The following SNAP47 variants were observed in gnomAD, a reference collection of about 807,000 sequenced individuals.
SNAP47 encodes the protein synaptosomal-associated protein 47.
In SNAP47, 20 loss-of-function variants were observed where a neutral mutation model predicts 31.4. The ratio of observed to expected loss-of-function variants is 0.64; its 90% CI spans 0.45 to 0.93. The LOEUF (loss-of-function observed/expected upper bound fraction) is 0.93, where lower values mean the gene tolerates loss of function less well. Among genes scored for constraint, SNAP47 ranks in the 40% least tolerant of loss-of-function variants. SNAP47 has a pLI of 0.00. For missense variants in SNAP47, 492 were observed against 528.5 expected (o/e 0.93, Z 0.68); for synonymous variants, 194 against 213.4 (o/e 0.91, Z 0.79).
chr1:227,749,412 G>C (rs1273380634), intron 2 of SNAP47, among the ~76,000 whole-genome samples: 1 of 152,116 alleles, frequency 6.6e-6, no homozygotes, highest in African/African-American at 2.4e-5. Flanking sequence ...CACTTGGGTG[G>C]GTCCATCTGG....
intron 2 of SNAP47, among the ~76,000 whole-genome samples, chr1:227,750,248 A>AG (rs753297351): frequency 7.3e-4 from 111 of 151,908 alleles, no homozygotes; most frequent in Non-Finnish European, 1.3e-3. Flanking sequence ...CAGAGTCTGC[A>AG]GGGGGCCAGC....
chr1:227,734,122 T>C, upstream of SNAP47: 3 of 1,437,978 alleles, frequency 2.1e-6, no homozygotes, highest in Non-Finnish European at 2.8e-6. Context: ...ACCAATCGGC[T>C]CCAGTGGAGC....
chr1:227,768,790 C>A (rs566384971), intron 4 of SNAP47, among the ~76,000 whole-genome samples: 2 of 152,286 alleles, frequency 1.3e-5, no homozygotes, highest in African/African-American at 4.8e-5. Context: ...GATAGACTTA[C>A]CTGATTCTTT....
At position 227,762,591 on chromosome 1, in the gene SNAP47, G is replaced by C. The variant is rs373212910; in HGVS notation, c.988+3106G>C. ...GCCTCTGGGACGAGCGCTGGTGCAC[G>C]TGTGGCCACAGGGTGGCAGCCTCGC... On this transcript the variant is annotated intron_variant, in intron 3 of 4. Transcript: ENST00000617596. The surrounding 1 kb of genome is among the most constrained non-coding windows in gnomAD (Gnocchi z 4.2). Among the ~76,000 whole-genome samples the C allele has an allele frequency of 2.6e-5, 4 of 152,372 alleles. No individual in the cohort carries two copies. The highest frequency in any genetic ancestry group is 9.6e-5 in the African/African-American group (4 of 41,588).
At chr1:227,728,857 C>A (rs1024023989) in intron 1 of SNAP47, 1 of 152,274 alleles carries the variant, frequency 6.6e-6, no homozygotes, top group Non-Finnish European at 1.5e-5. Flanking sequence ...CAGGCCCTGC[C>A]GCGGAGCCGA....
chr1:227,753,129 A>G (rs867833058), intron 2 of SNAP47, among the ~76,000 whole-genome samples: 12 of 152,300 alleles, frequency 7.9e-5, no homozygotes, highest in Admixed American at 2.6e-4. Flanking sequence ...GTACTGTTCC[A>G]TTTTCTCAAT....
intron 1 of SNAP47, among the ~76,000 whole-genome samples, chr1:227,742,269 CTG>C: frequency 6.6e-6 from 1 of 152,226 alleles, no homozygotes; most frequent in African/African-American, 2.4e-5. Flanking sequence ...GAATTTCACT[CTG>C]TTGCCCAGGC....
rs1237795246 is a variant in SNAP47, at chr1:227,762,466, C to T, written c.988+2981C>T. On this transcript the variant is annotated intron_variant, in intron 3 of 4. Coordinates refer to ENST00000617596, the MANE Select transcript of SNAP47 (RefSeq NM_053052.4). This position sits in a 1 kb window ranked among gnomAD's most constrained non-coding sequence, Gnocchi z 4.2. ...CCTGCTGCTGTTGTCCATGCGTAGG[C>T]ACAGGGACTCTGTGCCAGCTTCCCT... Among the ~76,000 whole-genome samples, 1 of 152,222 alleles carries T rather than the reference C, an allele frequency of 6.6e-6. No individual in the cohort carries two copies. The highest frequency in any genetic ancestry group is 1.9e-4 in the East Asian group (1 of 5,184).
chr1:227,780,925 C>T lies in SNAP47; in HGVS notation c.*252C>T, dbSNP rs190037232. 14 of 525,342 alleles carry T rather than the reference C, an allele frequency of 2.7e-5. No homozygotes were observed. The highest frequency in any genetic ancestry group is 1.3e-4 in the African/African-American group (7 of 52,402). 32.5% of individuals were successfully genotyped at this position (525,342 alleles called of 1,614,324 possible). On this transcript the variant is annotated 3_prime_UTR_variant, in exon 5 of 5. Coordinates refer to ENST00000617596, the MANE Select transcript of SNAP47 (RefSeq NM_053052.4). ...CTGCGGATGCTGCAGAAGTGTGGAC[C>T]ATGGCGGGACCCCAAGGACACTTGG...
At chr1:227,732,242 G>T, upstream of SNAP47, 1 of 886,168 alleles carries the variant, frequency 1.1e-6, no homozygotes, top group South Asian at 1.6e-5. Flanking sequence ...CCTGAAAACA[G>T]GCACCCAGGC....
rs1234789699 is a variant in SNAP47, at chr1:227,759,164, T to C, written c.667T>C (p.Ser223Pro). Residue 223 changes from serine to proline, a missense_variant, in exon 3 of 5, where the codon TCT (serine) becomes CCT (proline). Coordinates refer to ENST00000617596, the MANE Select transcript of SNAP47 (RefSeq NM_053052.4). ...IPAVISHRTE[S>P]HVKPGRLTVL... ...TGCTGTTATTTCCCACAGAACAGAG[T>C]CTCACGTTAAACCAGGGAGGCTCAC... is the stretch of plus-strand genomic sequence containing the variant. 20 of 1,613,954 alleles carry C rather than the reference T, an allele frequency of 1.2e-5. No individual in the cohort carries two copies. The East Asian group carries it at 4.2e-4, about 34-fold the overall frequency.
intron 4 of SNAP47, chr1:227,776,605 A>C: frequency 1.0e-6 from 1 of 985,486 alleles, no homozygotes; most frequent in Non-Finnish European, 1.2e-6. Flanking sequence ...GCCAGACTTC[A>C]CATTCTCCAT....
At chr1:227,747,444 G>A (rs1558194597) in intron 1 of SNAP47, among the ~76,000 whole-genome samples, 1 of 152,148 alleles carries the variant, frequency 6.6e-6, no homozygotes, top group African/African-American at 2.4e-5. Context: ...CCCTCTGCCT[G>A]GGGGATGGGC....
chr1:227,769,730 G>A (rs924011239), intron 4 of SNAP47, among the ~76,000 whole-genome samples: 1 of 152,134 alleles, frequency 6.6e-6, no homozygotes, highest in Non-Finnish European at 1.5e-5. Context: ...GCCGGGGGCT[G>A]TAGGAGGTGG....
chr1:227,739,422 G>A (rs1464661370), intron 1 of SNAP47, among the ~76,000 whole-genome samples: 1 of 152,208 alleles, frequency 6.6e-6, no homozygotes, highest in Non-Finnish European at 1.5e-5. Flanking sequence ...CAGCCCCAGT[G>A]AGGGTGTCTG....
intron 3 of SNAP47, 52 bp downstream of exon 3, chr1:227,759,537 G>T (rs756411318): frequency 1.3e-6 from 2 of 1,580,342 alleles, no homozygotes; most frequent in Non-Finnish European, 1.7e-6. Context: ...AAAATTACAG[G>T]CAGACTCAGC....
intron 4 of SNAP47, chr1:227,775,718 AT>A: frequency 7.8e-7 from 1 of 1,284,108 alleles, no homozygotes; most frequent in Non-Finnish European, 1.0e-6. Context: ...ATTTTTCTAT[AT>A]TTATTTTTTG....
intron 3 of SNAP47, chr1:227,759,701 T>A (rs1662940560): frequency 1.6e-6 from 1 of 616,846 alleles, no homozygotes; most frequent in Non-Finnish European, 2.8e-6. Context: ...GAGAGTTAAC[T>A]GTACACTTGA....
chr1:227,758,893 G>T (rs1662860463), intron 2 of SNAP47, 102 bp from the exon 3 acceptor site: 6 of 1,399,644 alleles, frequency 4.3e-6, no homozygotes, highest in Non-Finnish European at 5.7e-6. Flanking sequence ...AGAGTAAAAT[G>T]GCAACATGCT....
Sources: gnomAD v4.1 joint callset for allele counts (sites outside exome capture counted in the v4.1 genomes callset) on GRCh38, gnomAD v4.1.1 for gene constraint, Gnocchi (gnomAD v3.1) non-coding constraint, MANE v1.5 for transcripts, NCBI Gene and HGNC (gene_info 2026-07-23, HGNC 2026-07-21) for gene names.